The following OPHN1 variants were observed in gnomAD, a reference collection of about 807,000 sequenced individuals.
OPHN1 encodes oligophrenin-1.
Under a neutral mutation model 60.7 loss-of-function variants are expected in OPHN1, and 11 were observed. The ratio of observed to expected loss-of-function variants is 0.18; its 90% CI spans 0.11 to 0.30. The LOEUF (loss-of-function observed/expected upper bound fraction) is 0.30, where lower values mean the gene tolerates loss of function less well. OPHN1 is among the 10% of genes least tolerant of loss of function. OPHN1 has a pLI of 1.00. For synonymous variants in OPHN1, 226 were observed against 222.6 expected (o/e 1.02, Z -0.14); for missense variants, 449 against 611.0 (o/e 0.73, Z 2.80).
chrX:68,409,168 A>T (rs1226214359), intron 2 of OPHN1, among the ~76,000 whole-genome samples: 1 of 111,991 alleles, frequency 8.9e-6, no homozygotes, highest in Non-Finnish European at 1.9e-5. Context: ...GGAACAGGGT[A>T]GGTGTTCTTG....
chrX:68,336,669 TGA>T (rs1443196946), intron 2 of OPHN1, among the ~76,000 whole-genome samples: 11 of 86,137 alleles, frequency 1.3e-4, no homozygotes, highest in African/African-American at 5.8e-4. Context: ...TGTGTGTGTG[TGA>T]GAGTGTGTGT....
At chrX:68,236,336 G>A (rs1341947074) in intron 5 of OPHN1, among the ~76,000 whole-genome samples, 1 of 111,611 alleles carries the variant, frequency 9.0e-6, no homozygotes, top group Non-Finnish European at 1.9e-5. Flanking sequence ...CTTCACCAAG[G>A]ACCGATAAGA....
At chrX:68,133,919 A>G (rs2077208706) in intron 15 of OPHN1, among the ~76,000 whole-genome samples, 1 of 111,431 alleles carries the variant, frequency 9.0e-6, no homozygotes, top group Non-Finnish European at 1.9e-5. Flanking sequence ...TCACGCTTGT[A>G]ATCCCAGCAC....
chrX:68,327,788 TAA>T (rs1426696978), intron 2 of OPHN1, among the ~76,000 whole-genome samples: 1 of 47,056 alleles, frequency 2.1e-5, no homozygotes, highest in Admixed American at 2.1e-4. Context: ...AAATAAAAAA[TAA>T]AAAAAATAAA....
chrX:68,101,304 A>C (rs953764579), intron 18 of OPHN1, among the ~76,000 whole-genome samples: 1 of 112,383 alleles, frequency 8.9e-6, no homozygotes, highest in African/African-American at 3.2e-5. Flanking sequence ...AGTGACTATA[A>C]TATGAGCAGC....
chrX:68,230,869 A>T (rs1013477242), intron 6 of OPHN1, among the ~76,000 whole-genome samples: 5 of 110,704 alleles, frequency 4.5e-5, no homozygotes, highest in Admixed American at 9.6e-5. Context: ...CATATGTAAC[A>T]AACCTGCACG....
intron 19 of OPHN1, among the ~76,000 whole-genome samples, chrX:68,077,547 G>A (rs1027902133): frequency 8.9e-6 from 1 of 112,266 alleles, no homozygotes; most frequent in African/African-American, 3.2e-5. Flanking sequence ...ATATTTTAAA[G>A]TAGCTTATGG....
intron 23 of OPHN1, among the ~76,000 whole-genome samples, chrX:68,049,965 G>A (rs1049874797): frequency 8.9e-6 from 1 of 112,292 alleles, no homozygotes; most frequent in Non-Finnish European, 1.9e-5. Flanking sequence ...GAATAAGGGG[G>A]TGATGTCATT....
At chrX:68,433,146 C>T in intron 1 of OPHN1, 22 bp downstream of exon 1, 1 of 715,878 alleles carries the variant, frequency 1.4e-6, no homozygotes, top group Non-Finnish European at 2.0e-6. Context: ...TCATAGCCTC[C>T]GTCCCTTTGG....
intron 16 of OPHN1, among the ~76,000 whole-genome samples, chrX:68,114,140 C>T (rs2077117584): frequency 9.1e-6 from 1 of 110,270 alleles, no homozygotes; most frequent in Non-Finnish European, 1.9e-5. Flanking sequence ...GGGACAAGTA[C>T]GATGACAAAA....
chrX:68,376,108 T>C (rs5965562), intron 2 of OPHN1, among the ~76,000 whole-genome samples: 32,809 of 110,999 alleles, frequency 0.3, 6,731 homozygotes, highest in African/African-American at 0.75. Context: ...GTTATCTATA[T>C]AGTCTTCCAC....
At chrX:68,315,774 A>G (rs750311076) in intron 2 of OPHN1, among the ~76,000 whole-genome samples, 1 of 111,838 alleles carries the variant, frequency 8.9e-6, no homozygotes, top group South Asian at 3.7e-4. Flanking sequence ...TAAAAAATTA[A>G]CAATTAGAAA....
At chrX:68,395,607 C>G (rs1164966645) in intron 2 of OPHN1, among the ~76,000 whole-genome samples, 1 of 111,033 alleles carries the variant, frequency 9.0e-6, no homozygotes, top group African/African-American at 3.3e-5. Flanking sequence ...ACCACCACAC[C>G]TGGCTAATTT....
At chrX:68,310,171 A>C (rs759843585) in intron 2 of OPHN1, among the ~76,000 whole-genome samples, 43 of 111,365 alleles carry the variant, frequency 3.9e-4, no homozygotes, top group African/African-American at 1.4e-3. Flanking sequence ...ACAAGAATTG[A>C]CTATATGTGG....
At chrX:68,170,839 G>T (rs755869866) in intron 15 of OPHN1, among the ~76,000 whole-genome samples, 2 of 104,744 alleles carry the variant, frequency 1.9e-5, no homozygotes, top group East Asian at 3.2e-4. Context: ...GCTAAATGAC[G>T]AGTTAATGGG....
chrX:68,427,274 AAAAAAC>A (rs2078864914), intron 2 of OPHN1, among the ~76,000 whole-genome samples: 1 of 109,162 alleles, frequency 9.2e-6, no homozygotes, highest in African/African-American at 3.3e-5. Context: ...TCTCAAAAAA[AAAAAAC>A]AACAACAACA....
At chrX:68,279,101 C>T (rs866893784) in intron 4 of OPHN1, among the ~76,000 whole-genome samples, 2 of 21,796 alleles carry the variant, frequency 9.2e-5, no homozygotes, top group Non-Finnish European at 1.4e-4. Context: ...CTCCCCCGCT[C>T]TTTTTTTTTT....
intron 15 of OPHN1, among the ~76,000 whole-genome samples, chrX:68,175,746 T>G (rs2077411712): frequency 8.9e-6 from 1 of 111,945 alleles, no homozygotes; most frequent in South Asian, 3.7e-4. Flanking sequence ...CTGGGAAATA[T>G]TCCTCAATAA....
intron 20 of OPHN1, among the ~76,000 whole-genome samples, chrX:68,070,241 T>C (rs951206201): frequency 1.5e-4 from 17 of 110,370 alleles, no homozygotes; most frequent in Non-Finnish European, 3.2e-4. Flanking sequence ...CACAGCTCAC[T>C]TTTTTTTTAA....
Sources: allele counts gnomAD v4.1 joint callset (sites outside exome capture counted in the v4.1 genomes callset), GRCh38; gene constraint gnomAD v4.1.1; transcripts MANE v1.5; gene names NCBI Gene and HGNC (gene_info 2026-07-23, HGNC 2026-07-21).